Variants in EIF2AK4 observed in about 807,000 individuals in gnomAD.
The protein encoded by EIF2AK4 is eukaryotic translation initiation factor 2 alpha kinase 4, also known as eIF-2-alpha kinase GCN2.
In EIF2AK4, 139 loss-of-function variants were observed where a neutral mutation model predicts 211.1. The observed-to-expected ratio is 0.66, with a 90% CI of 0.57 to 0.76. The LOEUF (loss-of-function observed/expected upper bound fraction) is 0.76, where lower values mean the gene tolerates loss of function less well. Ranked by LOEUF, EIF2AK4 falls within the 30% of genes least tolerant of loss-of-function variation. The pLI is 0.00. For missense variants in EIF2AK4, 1,664 were observed against 2,043.8 expected (o/e 0.81, Z 3.58); for synonymous variants, 710 against 751.3 (o/e 0.94, Z 0.90).
chr15:40,008,328 G>A lies in EIF2AK4; in HGVS notation c.3576+133G>A. 11 of 836,024 alleles carry A rather than the reference G, an allele frequency of 1.3e-5. No homozygotes were observed. In the South Asian group the frequency reaches 2.3e-4, roughly 18 times the overall value. The allele number at this position is 836,024 out of a possible 1,614,324, so 51.8% of individuals were successfully genotyped here. On this transcript the variant is annotated intron_variant, in intron 25 of 38. Coordinates refer to ENST00000263791, the MANE Select transcript of EIF2AK4 (RefSeq NM_001013703.4). ...GAATCACATCTTTACTAAAGTAACT[G>A]AGAAGAGCTTGCTGGTGTTGCTTTT... is the stretch of plus-strand genomic sequence containing the variant.
chr15:39,982,194 G>T (rs1166417241), intron 13 of EIF2AK4, among the ~76,000 whole-genome samples: 2 of 152,212 alleles, frequency 1.3e-5, no homozygotes, highest in Non-Finnish European at 2.9e-5. Context: ...AAAGTGCTGG[G>T]ATTACAGGCG....
At chr15:39,995,943 GCTTTAGATCTC>G (rs1399582725) in intron 18 of EIF2AK4, among the ~76,000 whole-genome samples, 1 of 152,132 alleles carries the variant, frequency 6.6e-6, no homozygotes. Flanking sequence ...ACCATGCCGT[GCTTTAGATCTC>G]CAGAATGTAT....
chr15:40,034,272 C>T, intron 37 of EIF2AK4, 54 bp from the exon 38 acceptor site: 1 of 1,426,198 alleles, frequency 7.0e-7, no homozygotes. Flanking sequence ...CCAGAAAAAA[C>T]CAGCTAGTAA....
intron 18 of EIF2AK4, among the ~76,000 whole-genome samples, chr15:39,996,525 C>A (rs758287898): frequency 5.3e-5 from 8 of 152,062 alleles, no homozygotes; most frequent in Admixed American, 1.3e-4. Flanking sequence ...GGCAACATGG[C>A]AAAACCCACT....
At chr15:39,946,828 T>G (rs914113183) in intron 3 of EIF2AK4, 2 of 593,224 alleles carry the variant, frequency 3.4e-6, no homozygotes, top group East Asian at 2.8e-5. Flanking sequence ...GCAAAAAGAT[T>G]ATGACGTCCT....
chr15:39,951,637 C>T, intron 4 of EIF2AK4: 2 of 252,510 alleles, frequency 7.9e-6, no homozygotes, highest in South Asian at 4.3e-5. Flanking sequence ...TCACAGAATG[C>T]CACAGTACCA....
At position 40,022,554 on chromosome 15, in the gene EIF2AK4, T is replaced by C; in HGVS notation, c.4338T>C (p.His1446=). ...AATTACAAGAGTACTGCAGACATCA[T>C]GAAATCACCTATGTGGCCCTTGTCT... ...QEELQEYCRH[H]EITYVALVSD... is the part of the protein sequence containing the mutation. Residue 1446 remains histidine, a synonymous_variant, in exon 32 of 39, where the codon CAT becomes CAC. Coordinates refer to ENST00000263791, the MANE Select transcript of EIF2AK4 (RefSeq NM_001013703.4). 6.2e-7 allele frequency: 1 copy of C among 1,614,208 alleles called. No individual in the cohort carries two copies. Among genetic ancestry groups the C allele is most frequent in the Non-Finnish European group, 8.5e-7 (1 of 1,180,034 alleles).
chr15:39,969,544 T>C (rs2034594914), intron 9 of EIF2AK4, among the ~76,000 whole-genome samples: 1 of 152,014 alleles, frequency 6.6e-6, no homozygotes, highest in Admixed American at 6.6e-5. Flanking sequence ...GTATTTTTAG[T>C]AGAGACAGGG....
At chr15:39,978,253 T>A in intron 13 of EIF2AK4, 106 bp downstream of exon 13, 2 of 511,486 alleles carry the variant, frequency 3.9e-6, no homozygotes, top group Non-Finnish European at 6.5e-6. Context: ...TATTCAGATA[T>A]AGAAACCATA....
chr15:40,033,889 G>C (rs992924640), intron 37 of EIF2AK4, among the ~76,000 whole-genome samples: 3 of 152,046 alleles, frequency 2.0e-5, no homozygotes, highest in African/African-American at 7.2e-5. Flanking sequence ...TTAGCCGGGC[G>C]TAGTGGCAGG....
intron 3 of EIF2AK4, chr15:39,946,724 GTCT>G (rs955189504): frequency 4.3e-6 from 3 of 691,598 alleles, no homozygotes; most frequent in Non-Finnish European, 7.9e-6. Context: ...CTTCATTGTT[GTCT>G]TCTTTTAAGA....
chr15:39,959,711 T>C (rs1350581571), intron 6 of EIF2AK4, among the ~76,000 whole-genome samples: 1 of 152,254 alleles, frequency 6.6e-6, no homozygotes, highest in Non-Finnish European at 1.5e-5. Flanking sequence ...TAGAGATGCT[T>C]CTGCATAGTT....
rs1315917555 is a variant in EIF2AK4 at position 40,002,756 on chromosome 15, G to A, written c.3203G>A (p.Cys1068Tyr). 6.2e-7 allele frequency: 1 copy of A among 1,614,222 alleles called. No homozygotes were observed. The highest frequency in any genetic ancestry group is 1.7e-5 in the Admixed American group (1 of 60,028). The change falls in exon 22 of 39, where the codon TGT (cysteine) becomes TAT (tyrosine). Residue 1068 changes from cysteine (C) to tyrosine (Y), a missense_variant. Cys to Tyr is a radical substitution (Grantham distance 194). Coordinates refer to ENST00000263791, the MANE Select transcript of EIF2AK4 (RefSeq NM_001013703.4). ...IRTAKMQQHV[C>Y]ETIIRIFKRH... ...ACAGCCAAGATGCAGCAGCATGTGT[G>A]TGAAACCATCATCCGCATCTTTAAA...
At chr15:39,936,981 A>G (rs751436289) in intron 1 of EIF2AK4, among the ~76,000 whole-genome samples, 45 of 152,188 alleles carry the variant, frequency 3.0e-4, no homozygotes, top group Non-Finnish European at 4.1e-4. Flanking sequence ...ATGTGTTGTA[A>G]TATAAATTTC....
rs370032637 is a variant in EIF2AK4, at chr15:39,992,192, C to T, written c.2649C>T (p.Asp883=). 2.5e-5 allele frequency: 40 copies of T among 1,611,690 alleles called. No individual in the cohort carries two copies. The highest frequency in any genetic ancestry group is 1.6e-4 in the East Asian group (7 of 44,858). ...ATTTTTAGGCTGACAGCAAACAAGA[C>T]GATCAGACAGGAGACTTGATTAAGT... ...HLAFSADSKQ[D]DQTGDLIKSD... The change falls in exon 17 of 39, where the codon GAC becomes GAT. Residue 883 remains aspartate, a synonymous_variant. Coordinates refer to ENST00000263791, the MANE Select transcript of EIF2AK4 (RefSeq NM_001013703.4).
chr15:39,935,543 C>G (rs552774555), intron 1 of EIF2AK4, among the ~76,000 whole-genome samples: 1 of 152,172 alleles, frequency 6.6e-6, no homozygotes, highest in East Asian at 1.9e-4. Flanking sequence ...GTTGCCCGGG[C>G]TGGTATCAAG....
rs972602688 is a variant in EIF2AK4 at position 40,003,214 on chromosome 15, C to T, written c.3257C>T (p.Pro1086Leu). The T allele has an allele frequency of 6.2e-6, 10 of 1,613,964 alleles. No homozygotes were observed. The highest frequency in any genetic ancestry group is 7.6e-6 in the Non-Finnish European group (9 of 1,180,026). The part of the protein sequence containing the change: ...KRHGAVQLCT[P>L]LLLPRNRQIY... The stretch of plus-strand genomic sequence containing the variant: ...GTAGGAGCTGTTCAGTTGTGTACTC[C>T]ACTACTGCTTCCCCGAAACAGACAA... Residue 1086 changes from proline to leucine, a missense_variant, in exon 23 of 39, where the codon CCA (proline) becomes CTA (leucine). By Grantham distance (98) the Pro-to-Leu change is moderately conservative. This residue lies in a region of EIF2AK4 where 622 missense variants were observed against 796.8 expected (regional missense o/e 0.78). Coordinates refer to ENST00000263791, the MANE Select transcript of EIF2AK4 (RefSeq NM_001013703.4).
Position 40,035,285 on chromosome 15 carries a change from C to T in EIF2AK4, c.*201C>T. The T allele has an allele frequency of 2.7e-6, 1 of 364,566 alleles. No individual in the cohort carries two copies. Among genetic ancestry groups the T allele is most frequent in the East Asian group, 4.4e-5 (1 of 22,570 alleles). 22.6% of individuals were successfully genotyped at this position (364,566 alleles called of 1,614,324 possible). ...AGGAGTTTGAGACCAGCCTGAGCAA[C>T]AAAGCAAGACCCCATCTCTATAAAA... On this transcript the variant is annotated 3_prime_UTR_variant, in exon 39 of 39. Coordinates refer to ENST00000263791, the MANE Select transcript of EIF2AK4 (RefSeq NM_001013703.4).
chr15:40,008,893 C>T (rs998719272), intron 25 of EIF2AK4, among the ~76,000 whole-genome samples: 5 of 152,162 alleles, frequency 3.3e-5, no homozygotes, highest in African/African-American at 9.7e-5. Flanking sequence ...GCAGCCAGCT[C>T]GGCACATGGC....
Sources: gnomAD v4.1 joint callset for allele counts (sites outside exome capture counted in the v4.1 genomes callset) on GRCh38, gnomAD v4.1.1 for gene constraint, gnomAD v4.1.1 regional missense constraint, MANE v1.5 for transcripts, NCBI Gene and HGNC (gene_info 2026-07-23, HGNC 2026-07-21) for gene names.